Variants in TULP3 observed in about 807,000 individuals in gnomAD.
TULP3 encodes the protein tubby-related protein 3.
In TULP3, 38 loss-of-function variants were observed where a neutral mutation model predicts 50.7. That is an observed-to-expected ratio of 0.75 (90% CI 0.58 to 0.98). TULP3 has a LOEUF of 0.98. Among genes scored for constraint, TULP3 ranks in the 50% least tolerant of loss-of-function variants. The pLI, the probability that TULP3 is intolerant of heterozygous loss-of-function variation, is 0.00. For missense variants in TULP3, 550 were observed against 568.0 expected, an observed-to-expected ratio of 0.97 and a Z score of 0.32; for synonymous variants, 183 against 196.6, an observed-to-expected ratio of 0.93 and a Z score of 0.58.
chr12:2,934,739 A>G (rs551489862), intron 8 of TULP3, among the ~76,000 whole-genome samples, 178 bp downstream of exon 8: 41 of 152,180 alleles, frequency 2.7e-4, no homozygotes, highest in African/African-American at 6.0e-4. Context: ...AAGTTCAATT[A>G]TTTTTCACTC....
At chr12:2,938,936 G>A (rs972234811) in intron 10 of TULP3, among the ~76,000 whole-genome samples, 2 of 151,638 alleles carry the variant, frequency 1.3e-5, no homozygotes, top group African/African-American at 4.8e-5. Flanking sequence ...TGATTAACTG[G>A]CCTATTTGGA....
intron 2 of TULP3, among the ~76,000 whole-genome samples, chr12:2,913,457 T>A (rs2098186861): frequency 6.6e-6 from 1 of 151,984 alleles, no homozygotes; most frequent in Non-Finnish European, 1.5e-5. Context: ...AGAGATGGGA[T>A]CTTGCAGTGT....
At chr12:2,901,877 G>A (rs1030396488) in intron 1 of TULP3, among the ~76,000 whole-genome samples, 1 of 152,086 alleles carries the variant, frequency 6.6e-6, no homozygotes, top group African/African-American at 2.4e-5. Flanking sequence ...TTAAGTATGT[G>A]AATTTAAGTA....
chr12:2,907,663 T>C (rs1017893545), intron 1 of TULP3, among the ~76,000 whole-genome samples: 3 of 151,410 alleles, frequency 2.0e-5, no homozygotes, highest in African/African-American at 7.3e-5. Context: ...AAAAAAAAAT[T>C]TTTTATTCTT....
chr12:2,930,544 C>T (rs2098197372), intron 5 of TULP3, among the ~76,000 whole-genome samples, 199 bp downstream of exon 5: 2 of 152,182 alleles, frequency 1.3e-5, no homozygotes, highest in African/African-American at 4.8e-5. Context: ...CTGCCTCAAT[C>T]TCCCGAGTAG....
Position 2,940,873 on chromosome 12 carries a change from C to T in TULP3, c.*1429C>T, listed in dbSNP as rs71452572. 5.7e-6 allele frequency: 4 copies of T among 705,566 alleles called. No homozygotes were observed. The highest frequency in any genetic ancestry group is 2.7e-4 in the Middle Eastern group (1 of 3,748). The allele number at this position is 705,566 out of a possible 1,614,324, so 43.7% of individuals were successfully genotyped here. ...AGCCATGCCCAGAAGCCTCACACCT[C>T]GTCACCACCACCACCCCCCACCCCA... On this transcript the variant is annotated 3_prime_UTR_variant, in exon 11 of 11. Coordinates refer to ENST00000448120, the MANE Select transcript of TULP3 (RefSeq NM_003324.5).
chr12:2,924,480 C>T (rs1381634603), intron 4 of TULP3, among the ~76,000 whole-genome samples: 2 of 151,708 alleles, frequency 1.3e-5, no homozygotes, highest in African/African-American at 4.8e-5. Context: ...GTGTTCAGGA[C>T]CAGCCAGGGC....
In TULP3 at chr12:2,940,163, T is replaced by C; in HGVS notation, c.*719T>C. On this transcript the variant is annotated 3_prime_UTR_variant, in exon 11 of 11. Coordinates refer to ENST00000448120, the MANE Select transcript of TULP3 (RefSeq NM_003324.5). ...GAGGTGACTCAGTCAGGACTGACAG[T>C]AATGTGATAATTGCCTTCATTTTCA... The C allele has an allele frequency of 7.7e-7, 1 of 1,301,640 alleles. No homozygotes were observed. Among genetic ancestry groups the C allele is most frequent in the Non-Finnish European group, 1.0e-6 (1 of 997,554 alleles). 80.6% of individuals were successfully genotyped at this position (1,301,640 alleles called of 1,614,324 possible).
chr12:2,920,330 G>A (rs1350241874), intron 2 of TULP3, among the ~76,000 whole-genome samples: 1 of 152,036 alleles, frequency 6.6e-6, no homozygotes, highest in Non-Finnish European at 1.5e-5. Context: ...GGCAATGTCG[G>A]GAAACCCTGT....
intron 1 of TULP3, among the ~76,000 whole-genome samples, chr12:2,899,694 C>G (rs1014759027): frequency 6.6e-6 from 1 of 151,602 alleles, no homozygotes; most frequent in Non-Finnish European, 1.5e-5. Flanking sequence ...AAGTTCGAGA[C>G]CATCCTGGCT....
At chr12:2,899,552 C>A (rs190293694) in intron 1 of TULP3, among the ~76,000 whole-genome samples, 85 of 152,068 alleles carry the variant, frequency 5.6e-4, no homozygotes, top group Non-Finnish European at 1.1e-3. Context: ...TAAAATGGAA[C>A]CCGTTACCTT....
intron 1 of TULP3, 113 bp downstream of exon 1, chr12:2,891,101 G>C: frequency 7.9e-7 from 1 of 1,268,692 alleles, no homozygotes; most frequent in Non-Finnish European, 1.0e-6. Flanking sequence ...GGGACTTGGC[G>C]ACTCAGGGAG....
intron 2 of TULP3, among the ~76,000 whole-genome samples, chr12:2,912,346 C>T (rs1344240661): frequency 6.6e-6 from 1 of 152,190 alleles, no homozygotes; most frequent in Non-Finnish European, 1.5e-5. Context: ...GGCTACAGCT[C>T]AGCCCAGGCA....
In TULP3 at chr12:2,897,152, G is replaced by T. The variant is rs555767345; in HGVS notation, c.41+6164G>T. Among the ~76,000 whole-genome samples the T allele has an allele frequency of 2.2e-4, 34 of 152,158 alleles. No homozygotes were observed. In the South Asian group the frequency reaches 7.1e-3, roughly 32 times the overall value. ...AGCCTCCTGAGTAGGTAGGATTACAGGTGCCTGCCACCACCCCTGGCTAAT... is the reference window on the plus strand; with the variant it reads ...AGCCTCCTGAGTAGGTAGGATTACATGTGCCTGCCACCACCCCTGGCTAAT... On this transcript the variant is annotated intron_variant, in intron 1 of 10. Transcript: ENST00000448120.
intron 2 of TULP3, among the ~76,000 whole-genome samples, chr12:2,911,526 T>TA (rs2098185547): frequency 3.3e-5 from 5 of 151,242 alleles, no homozygotes; most frequent in African/African-American, 1.2e-4. Context: ...CTAATTTATT[T>TA]TTTATTTTTT....
At chr12:2,906,036 T>A (rs907056267) in intron 1 of TULP3, among the ~76,000 whole-genome samples, 12 of 149,918 alleles carry the variant, frequency 8.0e-5, no homozygotes, top group Non-Finnish European at 1.2e-4. Flanking sequence ...AAAAAAATTT[T>A]TTTTTTTTTT....
At chr12:2,894,986 T>G (rs1280942946) in intron 1 of TULP3, among the ~76,000 whole-genome samples, 1 of 152,182 alleles carries the variant, frequency 6.6e-6, no homozygotes, top group East Asian at 1.9e-4. Context: ...AAGGGAGAAT[T>G]GGGCAAAAGT....
intron 4 of TULP3, among the ~76,000 whole-genome samples, chr12:2,925,650 G>A (rs1477519019): frequency 6.6e-6 from 1 of 152,150 alleles, no homozygotes; most frequent in Non-Finnish European, 1.5e-5. Context: ...GGTGACCATG[G>A]TACTTTCCTA....
intron 1 of TULP3, among the ~76,000 whole-genome samples, chr12:2,896,305 G>A (rs906923910): frequency 6.6e-6 from 1 of 152,164 alleles, no homozygotes; most frequent in African/African-American, 2.4e-5. Flanking sequence ...CCTAAATGTC[G>A]TTATTCAGGG....
Sources: gnomAD v4.1 joint callset for allele counts (sites outside exome capture counted in the v4.1 genomes callset) on GRCh38, gnomAD v4.1.1 for gene constraint, MANE v1.5 for transcripts, NCBI Gene and HGNC (gene_info 2026-07-23, HGNC 2026-07-21) for gene names.